ADCY4: variants seen among roughly 807,000 people sequenced by gnomAD.
ADCY4 encodes adenylate cyclase type 4.
A neutral mutation model predicts 125.5 loss-of-function variants in ADCY4; 111 were observed. The ratio of observed to expected loss-of-function variants is 0.88; its 90% CI spans 0.76 to 1.04. The LOEUF (loss-of-function observed/expected upper bound fraction) is 1.04. Ranked by LOEUF, ADCY4 falls within the 50% of genes least tolerant of loss-of-function variation. ADCY4 has a pLI of 0.00. For missense variants in ADCY4, 1,256 were observed against 1,382.9 expected (o/e 0.91, Z 1.46); for synonymous variants, 576 against 586.9 (o/e 0.98, Z 0.27).
Position 24,330,180 on chromosome 14 carries a change from C to T in ADCY4, c.1046G>A (p.Cys349Tyr). ...CGCCTGAGCTGACCTGATGGCCCGG[C>T]ACATGTCCAGGCCCATGCGCACGCA... The part of the protein sequence containing the change: ...INCVRMGLDM[C>Y]RAIRKLRAAT... The change falls in exon 7 of 25, where the codon TGC becomes TAC. Residue 349 changes from cysteine to tyrosine, a missense_variant. Coordinates refer to ENST00000418030, the MANE Select transcript of ADCY4 (RefSeq NM_001198568.2). 1 of 1,613,940 alleles carries T rather than the reference C, an allele frequency of 6.2e-7. No homozygotes were observed. The highest frequency in any genetic ancestry group is 8.5e-7 in the Non-Finnish European group (1 of 1,179,888).
intron 14 of ADCY4, 148 bp from the exon 15 acceptor site, chr14:24,324,539 A>T: frequency 1.1e-6 from 1 of 901,822 alleles, no homozygotes; most frequent in Non-Finnish European, 1.7e-6. Flanking sequence ...GATAGAAGAC[A>T]TTGCATTCTG....
chr14:24,321,897 C>A, intron 20 of ADCY4, 169 bp downstream of exon 20: 1 of 1,362,544 alleles, frequency 7.3e-7, no homozygotes, highest in Non-Finnish European at 9.5e-7. Flanking sequence ...GTTTTGTGCT[C>A]ACCAAAGAAA....
At position 24,325,426 on chromosome 14, in the gene ADCY4, A is replaced by G. The variant is rs1449134992; in HGVS notation, c.1774T>C (p.Phe592Leu). The change falls in exon 14 of 25, where the codon TTC becomes CTC. Residue 592 changes from phenylalanine to leucine, a missense_variant. Coordinates refer to ENST00000418030, the MANE Select transcript of ADCY4 (RefSeq NM_001198568.2). ...ATGAAGTTGGAGAGAAAAACCAGGA[A>G]GGTGCAGGCTTCATAGTATTTGAAG... The part of the protein sequence containing the change: ...PAFKYYEACT[F>L]LVFLSNFIIQ... The G allele has an allele frequency of 1.2e-6, 2 of 1,613,774 alleles. No homozygotes were observed. The highest frequency in any genetic ancestry group is 8.5e-7 in the Non-Finnish European group (1 of 1,179,996).
Position 24,332,976 on chromosome 14 carries a change from C to T in ADCY4, c.172G>A (p.Asp58Asn), listed in dbSNP as rs781318384. Residue 58 changes from aspartate (D) to asparagine (N), a missense_variant, in exon 2 of 25, where the codon GAC (aspartate) becomes AAC (asparagine). Transcript: ENST00000418030. ...AGCACAGTGGTCAGGAAGCTCGGGT[C>T]TGAGGTCAGCTCCTGTGGGCAGGGG... ...AWASGRELTSDPSFLTTVLCA... is the reference protein window; with the variant it reads ...AWASGRELTSNPSFLTTVLCA... 9 of 1,543,408 alleles carry T rather than the reference C, an allele frequency of 5.8e-6. No homozygotes were observed. The highest frequency in any genetic ancestry group is 7.9e-6 in the Non-Finnish European group (9 of 1,141,946).
intron 3 of ADCY4, 65 bp from the exon 4 acceptor site, chr14:24,332,002 G>C (rs952472784): frequency 2.1e-6 from 3 of 1,441,926 alleles, no homozygotes; most frequent in Admixed American, 5.1e-5. Flanking sequence ...AGTTGGAGTT[G>C]GTCTCAAAGA....
Position 24,322,060 on chromosome 14 carries a change from A to G in ADCY4, c.2586+6T>C, listed in dbSNP as rs192201316. ...GTGGCTCAGGAGTCAGGGGGTCAGG[A>G]GTCACCTCGTTGCGCCGGTTCTGGC... is the stretch of plus-strand genomic sequence containing the variant. On this transcript the variant is annotated splice_donor_region_variant and intron_variant, in intron 20 of 24. Coordinates refer to ENST00000418030, the MANE Select transcript of ADCY4 (RefSeq NM_001198568.2). 143 of 1,609,326 alleles carry G rather than the reference A, an allele frequency of 8.9e-5. No individual in the cohort carries two copies. In the East Asian group the frequency reaches 3.1e-3, roughly 35 times the overall value.
intron 10 of ADCY4, among the ~76,000 whole-genome samples, chr14:24,328,241 G>GGGT (rs2041982592): frequency 7.3e-6 from 1 of 137,868 alleles, no homozygotes; most frequent in East Asian, 2.6e-4. Flanking sequence ...TGGGGGGGGG[G>GGGT]GTCTCCCTTT....
At position 24,324,357 on chromosome 14, in the gene ADCY4, A is replaced by G. The variant is rs753562076; in HGVS notation, c.1858T>C (p.Phe620Leu). ...AAAAGGATGAGGAGGAAGAGGAGGA[A>G]GGTGATGCTATACGTGATGGCCAGA... ...PALAITYSIT[F>L]LLFLLILFVC... The change falls in exon 15 of 25, where the codon TTC (phenylalanine) becomes CTC (leucine). Residue 620 changes from phenylalanine (F) to leucine (L), a missense_variant. Coordinates refer to ENST00000418030, the MANE Select transcript of ADCY4 (RefSeq NM_001198568.2). 3.1e-6 allele frequency: 5 copies of G among 1,614,062 alleles called. No homozygotes were observed. Among genetic ancestry groups the G allele is most frequent in the Admixed American group, 1.7e-5 (1 of 60,008 alleles).
Position 24,332,760 on chromosome 14 carries a change from T to C in ADCY4, c.357+31A>G, listed in dbSNP as rs201439332. ...TGGTGAGGGATCGAAGCCCGGGCCG[T>C]CCCCGCTGCCCCGCCTGCCGCCCCT... On this transcript the variant is annotated intron_variant, in intron 2 of 24. Coordinates refer to ENST00000418030, the MANE Select transcript of ADCY4 (RefSeq NM_001198568.2). The C allele has an allele frequency of 5.6e-3, 8,616 of 1,530,346 alleles. 71 individuals are homozygous for C. The highest frequency in any genetic ancestry group is 9.8e-3 in the South Asian group (817 of 83,018). The allele number at this position is 1,530,346 out of a possible 1,614,324, so 94.8% of individuals were successfully genotyped here.
At chr14:24,323,708 G>T in intron 16 of ADCY4, 1 of 1,353,174 alleles carries the variant, frequency 7.4e-7, no homozygotes, top group Non-Finnish European at 9.6e-7. Flanking sequence ...AGCCTCTCTG[G>T]GCCTTAGTTT....
In ADCY4 at chr14:24,331,309, C is replaced by T; in HGVS notation, c.717G>A (p.Met239Ile). ...SILPAYLARE[M>I]KAEIMARLQA... ...GCAGCCGTGCCATGATCTCTGCCTTCATCTCTCGGGCCAGGTAGGCAGGAA... is the reference window on the plus strand; with the variant it reads ...GCAGCCGTGCCATGATCTCTGCCTTTATCTCTCGGGCCAGGTAGGCAGGAA... Residue 239 changes from methionine (M) to isoleucine (I), a missense_variant, in exon 5 of 25, where the codon ATG (methionine) becomes ATA (isoleucine). By Grantham distance (10) the Met-to-Ile change is conservative. Coordinates refer to ENST00000418030, the MANE Select transcript of ADCY4 (RefSeq NM_001198568.2). 6.2e-7 allele frequency: 1 copy of T among 1,614,180 alleles called. No homozygotes were observed. The highest frequency in any genetic ancestry group is 8.5e-7 in the Non-Finnish European group (1 of 1,180,044).
chr14:24,325,580 C>A (rs1267675806), intron 13 of ADCY4, 106 bp from the exon 14 acceptor site: 40 of 1,065,778 alleles, frequency 3.8e-5, no homozygotes, highest in Non-Finnish European at 4.4e-5. Context: ...ACCGCCCAGG[C>A]TCCAGTTCAG....
Position 24,319,809 on chromosome 14 carries a change from G to A in ADCY4, c.2666C>T (p.Ser889Phe). The A allele has an allele frequency of 6.2e-7, 1 of 1,614,156 alleles. No individual in the cohort carries two copies. Among genetic ancestry groups the A allele is most frequent in the Non-Finnish European group, 8.5e-7 (1 of 1,180,036 alleles). The stretch of plus-strand genomic sequence containing the variant: ...CTCTAGGCCCTCATGATTGATGTTG[G>A]ATTCAGAGTAGAACTCCTTGAAGTC... Reference protein sequence around the residue: ...VPDFKEFYSESNINHEGLECL... With the variant: ...VPDFKEFYSEFNINHEGLECL... Residue 889 changes from serine to phenylalanine, a missense_variant, in exon 21 of 25, where the codon TCC becomes TTC. Transcript: ENST00000418030. The surrounding 1 kb of genome is among the most constrained non-coding windows in gnomAD (Gnocchi z 4.5).
In ADCY4 at chr14:24,322,137, G is replaced by C; in HGVS notation, c.2515C>G (p.Arg839Gly). 6.2e-7 allele frequency: 1 copy of C among 1,614,146 alleles called. No homozygotes were observed. The highest frequency in any genetic ancestry group is 8.5e-7 in the Non-Finnish European group (1 of 1,180,014). ...GGGAGCACGTTCTCCAAGAGCAGCC[G>C]AGTCAGGTTCTCCATCGTCTCTGTC... ...EETETMENLT[R>G]LLLENVLPAH... The change falls in exon 20 of 25, where the codon CGG becomes GGG. Residue 839 changes from arginine to glycine, a missense_variant. Physicochemically the swap from Arg to Gly is moderately radical, Grantham distance 125. Transcript: ENST00000418030.
chr14:24,326,365 G>A lies in ADCY4; in HGVS notation c.1525-23C>T, dbSNP rs202196056. 18 of 1,596,648 alleles carry A rather than the reference G, an allele frequency of 1.1e-5. No individual in the cohort carries two copies. The African/African-American group carries it at 2.0e-4, about 18-fold the overall frequency. ...CTCCTGTTGGGAGAGCACAGGGGGA[G>A]GTGGGCATGGTGGGTGTTTTCCCTG... is the stretch of plus-strand genomic sequence containing the variant. On this transcript the variant is annotated intron_variant, in intron 10 of 24. Coordinates refer to ENST00000418030, the MANE Select transcript of ADCY4 (RefSeq NM_001198568.2).
intron 4 of ADCY4, 130 bp from the exon 5 acceptor site, chr14:24,331,486 C>T: frequency 7.8e-7 from 1 of 1,278,962 alleles, no homozygotes; most frequent in Non-Finnish European, 1.1e-6. Flanking sequence ...GGTCCTCCCG[C>T]TGCACACAGC....
Position 24,319,564 on chromosome 14 carries a change from G to GC in ADCY4, c.2734-129_2734-128insG. The stretch of plus-strand genomic sequence containing the variant: ...GGAGTGGAGATAGTGTCAGGAAGGA[G>GC]AGGGTTGGTGGTGGGCAGTGTTGCT... On this transcript the variant is annotated intron_variant, in intron 21 of 24. Coordinates refer to ENST00000418030, the MANE Select transcript of ADCY4 (RefSeq NM_001198568.2). The surrounding 1 kb of genome is among the most constrained non-coding windows in gnomAD (Gnocchi z 4.5). 1 of 1,240,698 alleles carries GC rather than the reference G, an allele frequency of 8.1e-7. No homozygotes were observed. The highest frequency in any genetic ancestry group is 1.2e-6 in the Non-Finnish European group (1 of 867,564). The allele number at this position is 1,240,698 out of a possible 1,614,324, so 76.9% of individuals were successfully genotyped here. A position where few individuals can be genotyped will look rare whatever the true frequency, so the allele number is the denominator to read the frequency against.
rs977810904 is a variant in ADCY4 at position 24,334,995 on chromosome 14, C to A, written c.-343G>T. On this transcript the variant is annotated 5_prime_UTR_variant, in exon 1 of 25. Transcript: ENST00000418030. ...ATCCCCGAACTCACTGCCCGCGGCGCTGGCGCAGCGGAGTGGGCTAGGTCC... is the reference window on the plus strand; with the variant it reads ...ATCCCCGAACTCACTGCCCGCGGCGATGGCGCAGCGGAGTGGGCTAGGTCC... The A allele has an allele frequency of 1.1e-4, 21 of 198,442 alleles. No individual in the cohort carries two copies. Among genetic ancestry groups the A allele is most frequent in the Admixed American group, 2.4e-4 (4 of 16,390 alleles). The allele number at this position is 198,442 out of a possible 1,614,324, so 12.3% of individuals were successfully genotyped here.
intron 10 of ADCY4, chr14:24,326,571 TTGTG>T (rs71119070): frequency 0.041 from 11,437 of 277,144 alleles, 80 homozygotes; most frequent in East Asian, 0.076. Flanking sequence ...CCCAGGATCT[TTGTG>T]TGTGTGTGTG....
Sources: gnomAD v4.1 joint callset for allele counts (sites outside exome capture counted in the v4.1 genomes callset) on GRCh38, gnomAD v4.1.1 for gene constraint, Gnocchi (gnomAD v3.1) non-coding constraint, MANE v1.5 for transcripts, NCBI Gene and HGNC (gene_info 2026-07-23, HGNC 2026-07-21) for gene names.